GLCCI1: variants seen among roughly 807,000 people sequenced by gnomAD.
GLCCI1 encodes the protein glucocorticoid-induced transcript 1 protein.
A neutral mutation model predicts 52.2 loss-of-function variants in GLCCI1; 24 were observed. The observed-to-expected ratio is 0.46, with a 90% confidence interval of 0.33 to 0.65. The LOEUF is 0.65. Ranked by LOEUF, GLCCI1 falls within the 30% of genes least tolerant of loss-of-function variation. The pLI, the probability that GLCCI1 is intolerant of heterozygous loss-of-function variation, is 0.02. For missense variants in GLCCI1, 704 were observed against 701.5 expected, an observed-to-expected ratio of 1.00 and a Z score of -0.04; for synonymous variants, 310 against 276.5, an observed-to-expected ratio of 1.12 and a Z score of -1.20.
At chr7:8,021,870 G>A (rs1290201861) in intron 2 of GLCCI1, among the ~76,000 whole-genome samples, 5 of 152,020 alleles carry the variant, frequency 3.3e-5, no homozygotes, top group African/African-American at 4.8e-5. Context: ...TATGGTTCAG[G>A]TTTTTTAGAA....
chr7:8,020,601 A>G (rs1338157243), intron 2 of GLCCI1, among the ~76,000 whole-genome samples: 1 of 152,208 alleles, frequency 6.6e-6, no homozygotes, highest in African/African-American at 2.4e-5. Flanking sequence ...GATACAGTAT[A>G]TGTAAATGTC....
intron 5 of GLCCI1, among the ~76,000 whole-genome samples, chr7:8,063,314 T>C (rs1391131714): frequency 7.4e-6 from 1 of 134,626 alleles, no homozygotes; most frequent in Non-Finnish European, 1.6e-5. Flanking sequence ...ACTTTTTGTA[T>C]TTTTTTTTTC....
chr7:8,035,355 C>A (rs1163207417), intron 3 of GLCCI1, among the ~76,000 whole-genome samples: 1 of 152,198 alleles, frequency 6.6e-6, no homozygotes, highest in Non-Finnish European at 1.5e-5. Context: ...TGCTTAAGCA[C>A]AGATGTGGAG....
intron 6 of GLCCI1, among the ~76,000 whole-genome samples, chr7:8,071,902 T>C (rs901684053): frequency 6.6e-6 from 1 of 152,208 alleles, no homozygotes; most frequent in Non-Finnish European, 1.5e-5. Flanking sequence ...TGTAAAACTA[T>C]AAAAAGTTAG....
intron 3 of GLCCI1, among the ~76,000 whole-genome samples, chr7:8,029,116 CCTG>C (rs1435684462): frequency 6.6e-6 from 1 of 152,036 alleles, no homozygotes; most frequent in African/African-American, 2.4e-5. Flanking sequence ...CTAGTATTAC[CCTG>C]CTACCAAAAC....
intron 3 of GLCCI1, among the ~76,000 whole-genome samples, chr7:8,044,434 T>A (rs1782075463): frequency 6.6e-6 from 1 of 151,760 alleles, no homozygotes; most frequent in Admixed American, 6.6e-5. Flanking sequence ...AGTGGTGTGA[T>A]GTCGGCTCAC....
intron 2 of GLCCI1, among the ~76,000 whole-genome samples, chr7:8,011,878 C>T (rs1410234031): frequency 2.6e-5 from 4 of 151,928 alleles, no homozygotes; most frequent in Admixed American, 6.6e-5. Flanking sequence ...TGCAGTGGCA[C>T]TATCTTGGCT....
intron 6 of GLCCI1, among the ~76,000 whole-genome samples, chr7:8,080,770 A>G (rs1395698595): frequency 6.8e-6 from 1 of 146,322 alleles, no homozygotes; most frequent in Non-Finnish European, 1.5e-5. Context: ...TTACTATAAT[A>G]ATAATATTCA....
chr7:8,078,464 C>A (rs1052345985), intron 6 of GLCCI1: 7 of 151,860 alleles, frequency 4.6e-5, no homozygotes, highest in Non-Finnish European at 8.8e-5. Flanking sequence ...GAATCTGTAC[C>A]CCTAATAAAA....
intron 5 of GLCCI1, among the ~76,000 whole-genome samples, chr7:8,068,237 C>T (rs1782676815): frequency 6.6e-6 from 1 of 152,276 alleles, no homozygotes; most frequent in Admixed American, 6.5e-5. Context: ...ATAATCCCAG[C>T]TACTCAGGAG....
chr7:8,078,066 C>G (rs1295224848), intron 6 of GLCCI1, among the ~76,000 whole-genome samples: 2 of 151,858 alleles, frequency 1.3e-5, no homozygotes, highest in Non-Finnish European at 2.9e-5. Context: ...AACCCCGTCT[C>G]TACTAAAAAT....
At chr7:7,996,105 G>A (rs2115420344) in intron 1 of GLCCI1, among the ~76,000 whole-genome samples, 1 of 152,242 alleles carries the variant, frequency 6.6e-6, no homozygotes, top group East Asian at 1.9e-4. Flanking sequence ...AGAATTTTGT[G>A]AAATATTGTT....
At chr7:8,034,631 A>G (rs569617338) in intron 3 of GLCCI1, among the ~76,000 whole-genome samples, 1 of 152,232 alleles carries the variant, frequency 6.6e-6, no homozygotes, top group Non-Finnish European at 1.5e-5. Flanking sequence ...GAAGAACCAT[A>G]GTTACAGGTG....
At chr7:8,071,688 T>C (rs192164325) in intron 6 of GLCCI1, among the ~76,000 whole-genome samples, 18 of 152,296 alleles carry the variant, frequency 1.2e-4, no homozygotes, top group African/African-American at 4.3e-4. Context: ...TGTCTCTCCA[T>C]GTTCTTCTAT....
intron 2 of GLCCI1, among the ~76,000 whole-genome samples, chr7:8,004,677 T>G (rs1200402381): frequency 6.6e-6 from 1 of 152,156 alleles, no homozygotes; most frequent in Non-Finnish European, 1.5e-5. Context: ...TAAAGAAGAA[T>G]ACTAAAAATA....
chr7:8,027,529 C>G lies in GLCCI1; in HGVS notation c.696+4960C>G, dbSNP rs558217240. On this transcript the variant is annotated intron_variant, in intron 3 of 7. Coordinates refer to ENST00000223145, the MANE Select transcript of GLCCI1 (RefSeq NM_138426.4). ...AGGCATACCACCACAAAAAAATCAC[C>G]AAAAGGAAGACAAGAAGGGTAGAAA... is the stretch of plus-strand genomic sequence containing the variant. Among the ~76,000 whole-genome samples, 47 of 151,568 alleles carry G rather than the reference C, an allele frequency of 3.1e-4. 1 individual carries two copies. The highest frequency in any genetic ancestry group is 1.1e-3 in the African/African-American group (45 of 41,352).
intron 3 of GLCCI1, among the ~76,000 whole-genome samples, chr7:8,052,109 A>G (rs941518001): frequency 2.6e-4 from 39 of 148,716 alleles, no homozygotes; most frequent in Non-Finnish European, 5.2e-4. Flanking sequence ...TTAGCATAAG[A>G]TTTTTTTTTT....
At chr7:8,061,539 CA>C (rs1454357083) in intron 5 of GLCCI1, among the ~76,000 whole-genome samples, 5 of 151,944 alleles carry the variant, frequency 3.3e-5, no homozygotes, top group African/African-American at 1.2e-4. Flanking sequence ...ATTACCCTCC[CA>C]AAAGGTTGTA....
chr7:8,017,429 T>C (rs937484063), intron 2 of GLCCI1, among the ~76,000 whole-genome samples: 4 of 152,200 alleles, frequency 2.6e-5, no homozygotes, highest in Non-Finnish European at 5.9e-5. Flanking sequence ...TTTCAAACTT[T>C]AGAATCCATC....
Sources: gnomAD v4.1 joint callset for allele counts (sites outside exome capture counted in the v4.1 genomes callset) on GRCh38, gnomAD v4.1.1 for gene constraint, MANE v1.5 for transcripts, NCBI Gene and HGNC (gene_info 2026-07-23, HGNC 2026-07-21) for gene names.